Variants in AP5B1 observed in about 807,000 individuals in gnomAD.
AP5B1 encodes the protein AP-5 complex subunit beta-1.
In AP5B1, 3 loss-of-function variants were observed where a neutral mutation model predicts 5.7. The ratio of observed to expected loss-of-function variants is 0.53; its 90% CI spans 0.24 to 1.36. The LOEUF (loss-of-function observed/expected upper bound fraction) is 1.36, where lower values mean the gene tolerates loss of function less well. Among genes scored for constraint, AP5B1 ranks in the 40% most tolerant of loss-of-function variants. The pLI is 0.17. For missense variants in AP5B1, 1,310 were observed against 1,143.2 expected (o/e 1.15, Z -2.10); for synonymous variants, 696 against 555.5 (o/e 1.25, Z -3.56).
chr11:65,780,140 C>T lies in AP5B1; in HGVS notation c.353G>A (p.Cys118Tyr). 6.8e-7 allele frequency: 1 copy of T among 1,476,802 alleles called. No homozygotes were observed. Among genetic ancestry groups the T allele is most frequent in the Non-Finnish European group, 9.0e-7 (1 of 1,117,264 alleles). 91.5% of individuals were successfully genotyped at this position (1,476,802 alleles called of 1,614,324 possible). A position where few individuals can be genotyped will look rare whatever the true frequency, so the allele number is the denominator to read the frequency against. Residue 118 changes from cysteine (C) to tyrosine (Y), a missense_variant, in exon 2 of 2, where the codon TGC (cysteine) becomes TAC (tyrosine). By Grantham distance (194) the Cys-to-Tyr change is radical. Coordinates refer to ENST00000532090, the MANE Select transcript of AP5B1 (RefSeq NM_138368.5). ...GCCGAGCAGTAGGGGCAGGAGCCGG[C>T]AGGAGGCGCCCGAGGTGGGGCCCAG... ...GALGPTSGAS[C>Y]RLLPLLLGLA...
At position 65,780,409 on chromosome 11, in the gene AP5B1, G is replaced by A. The variant is rs1489134832; in HGVS notation, c.150+33C>T. The A allele has an allele frequency of 2.0e-6, 3 of 1,471,744 alleles. No homozygotes were observed. The African/African-American group carries it at 4.4e-5, about 21-fold the overall frequency. The allele number at this position is 1,471,744 out of a possible 1,614,324, so 91.2% of individuals were successfully genotyped here. A position where few individuals can be genotyped will look rare whatever the true frequency, so the allele number is the denominator to read the frequency against. On this transcript the variant is annotated intron_variant, in intron 1 of 1. Transcript: ENST00000532090. ...TGACGCGGCGGGCTGGGGTGACCCT[G>A]CGGAACGGCGCAGGGGACGCGTGGG...
Position 65,778,669 on chromosome 11 carries a change from C to T in AP5B1, c.1824G>A (p.Gly608=), listed in dbSNP as rs375379794. The change falls in exon 2 of 2, where the codon GGG becomes GGA. Residue 608 remains glycine, a synonymous_variant. Coordinates refer to ENST00000532090, the MANE Select transcript of AP5B1 (RefSeq NM_138368.5). ...TGTAGTAGAGGCGGGCGTGGTCACGCCCATCAGGGTCCTCCAGCTGCCTGG... is the reference window on the plus strand; with the variant it reads ...TGTAGTAGAGGCGGGCGTGGTCACGTCCATCAGGGTCCTCCAGCTGCCTGG... The part of the protein sequence containing the change: ...VLARQLEDPD[G]RDHARLYYIL... 3.2e-6 allele frequency: 5 copies of T among 1,566,336 alleles called. No homozygotes were observed. The African/African-American group carries it at 5.4e-5, about 17-fold the overall frequency.
At position 65,778,352 on chromosome 11, in the gene AP5B1, C is replaced by A; in HGVS notation, c.2141G>T (p.Cys714Phe). ...GCGGGCAGGGCGGCCAGGACACAGG[C>A]AGGGCACATGGACAGCCTCCAGGGG... Reference protein sequence around the residue: ...YAPLEAVHVPCLCPGRPARPL... With the variant: ...YAPLEAVHVPFLCPGRPARPL... Residue 714 changes from cysteine to phenylalanine, a missense_variant, in exon 2 of 2, where the codon TGC (cysteine) becomes TTC (phenylalanine). Coordinates refer to ENST00000532090, the MANE Select transcript of AP5B1 (RefSeq NM_138368.5). 1 of 1,610,666 alleles carries A rather than the reference C, an allele frequency of 6.2e-7. No individual in the cohort carries two copies. The highest frequency in any genetic ancestry group is 1.1e-5 in the South Asian group (1 of 90,906).
rs773541232 is a variant in AP5B1 at position 65,779,857 on chromosome 11, C to T, written c.636G>A (p.Thr212=). 22 of 1,598,626 alleles carry T rather than the reference C, an allele frequency of 1.4e-5. No individual in the cohort carries two copies. The highest frequency in any genetic ancestry group is 1.2e-4 in the Admixed American group (7 of 58,306). The change falls in exon 2 of 2, where the codon ACG becomes ACA. Residue 212 remains threonine, a synonymous_variant. Transcript: ENST00000532090. Reference sequence around the variant, plus strand: ...CACCCCCAGTTGGGGAGACCTTATCCGTGAGCAGTCCCCCCAGGCCAGCCC... The same window carrying T: ...CACCCCCAGTTGGGGAGACCTTATCTGTGAGCAGTCCCCCCAGGCCAGCCC... ...RVGAGLGGLL[T]DKVSPTGGGP... is the part of the protein sequence containing the mutation.
rs765906033 is a variant in AP5B1 at position 65,779,967 on chromosome 11, G to A, written c.526C>T (p.Leu176=). 8.2e-6 allele frequency: 13 copies of A among 1,579,484 alleles called. No individual in the cohort carries two copies. The highest frequency in any genetic ancestry group is 1.0e-5 in the Non-Finnish European group (12 of 1,163,230). Residue 176 remains leucine (L), a synonymous_variant, in exon 2 of 2, where the codon CTG becomes TTG. Coordinates refer to ENST00000532090, the MANE Select transcript of AP5B1 (RefSeq NM_138368.5). The part of the protein sequence containing the change: ...GGSLGLLRGL[L]GQEGPVQPLS... ...GGCTGGACAGGGCCTTCCTGCCCCA[G>A]CAGGCCCCGCAGCAACCCCAGGGAG...
rs760052115 is a variant in AP5B1 at position 65,780,117 on chromosome 11, C to G, written c.376G>C (p.Gly126Arg). The G allele has an allele frequency of 1.3e-6, 2 of 1,504,706 alleles. No homozygotes were observed. Among genetic ancestry groups the G allele is most frequent in the South Asian group, 1.3e-5 (1 of 78,562 alleles). 93.2% of individuals were successfully genotyped at this position (1,504,706 alleles called of 1,614,324 possible). ...ASCRLLPLLLGLAAGSDLGRG... is the reference protein window; with the variant it reads ...ASCRLLPLLLRLAAGSDLGRG... ...CCCAGATCGCTACCCGCGGCCAGGC[C>G]GAGCAGTAGGGGCAGGAGCCGGCAG... Residue 126 changes from glycine to arginine, a missense_variant, in exon 2 of 2, where the codon GGC becomes CGC. Transcript: ENST00000532090.
Position 65,778,602 on chromosome 11 carries a change from G to T in AP5B1, c.1891C>A (p.Leu631Met). 6.3e-7 allele frequency: 1 copy of T among 1,594,402 alleles called. No individual in the cohort carries two copies. The highest frequency in any genetic ancestry group is 2.3e-5 in the East Asian group (1 of 44,064). ...HLAAPKLGVALGPSLAAPALA... is the reference protein window; with the variant it reads ...HLAAPKLGVAMGPSLAAPALA... The stretch of plus-strand genomic sequence containing the variant: ...GCAGGTGCGGCAAGCGAGGGGCCCA[G>T]GGCCACCCCCAACTTGGGTGCTGCC... The change falls in exon 2 of 2, where the codon CTG (leucine) becomes ATG (methionine). Residue 631 changes from leucine (L) to methionine (M), a missense_variant. Transcript: ENST00000532090.
At position 65,779,566 on chromosome 11, in the gene AP5B1, C is replaced by A. The variant is rs766841519; in HGVS notation, c.927G>T (p.Lys309Asn). 1.7e-5 allele frequency: 28 copies of A among 1,607,502 alleles called. 1 individual carries two copies. In the South Asian group the frequency reaches 2.8e-4, roughly 16 times the overall value. The change falls in exon 2 of 2, where the codon AAG becomes AAT. Residue 309 changes from lysine (K) to asparagine (N), a missense_variant. Physicochemically the swap from Lys to Asn is moderately conservative, Grantham distance 94 (BLOSUM62 0). Coordinates refer to ENST00000532090, the MANE Select transcript of AP5B1 (RefSeq NM_138368.5). ...GLQGQPPALF[K>N]PQLVRLLGTA... Reference sequence around the variant, plus strand: ...TGCCTAGCAGCCGTACCAGCTGCGGCTTGAAGAGTGCCGGTGGCTGTCCCT... The same window carrying A: ...TGCCTAGCAGCCGTACCAGCTGCGGATTGAAGAGTGCCGGTGGCTGTCCCT...
chr11:65,780,128 G>A lies in AP5B1; in HGVS notation c.365C>T (p.Pro122Leu), dbSNP rs1225088322. ...ACCCGCGGCCAGGCCGAGCAGTAGG[G>A]GCAGGAGCCGGCAGGAGGCGCCCGA... ...PTSGASCRLL[P>L]LLLGLAAGSD... Residue 122 changes from proline (P) to leucine (L), a missense_variant, in exon 2 of 2, where the codon CCC becomes CTC. Transcript: ENST00000532090. The A allele has an allele frequency of 1.4e-6, 2 of 1,481,406 alleles. No homozygotes were observed. The highest frequency in any genetic ancestry group is 2.5e-5 in the Admixed American group (1 of 39,668). 91.8% of individuals were successfully genotyped at this position (1,481,406 alleles called of 1,614,324 possible).
chr11:65,779,346 G>C lies in AP5B1; in HGVS notation c.1147C>G (p.Pro383Ala). The C allele has an allele frequency of 6.3e-7, 1 of 1,593,630 alleles. No homozygotes were observed. Among genetic ancestry groups the C allele is most frequent in the Non-Finnish European group, 8.6e-7 (1 of 1,169,020 alleles). The change falls in exon 2 of 2, where the codon CCT becomes GCT. Residue 383 changes from proline to alanine, a missense_variant. Pro to Ala is a conservative substitution (Grantham distance 27, BLOSUM62 -1). Transcript: ENST00000532090. Reference sequence around the variant, plus strand: ...AGTGGGGCAGCCTCCTCACCTTCAGGGCCCAGCGGCCAGTTCTCAGGGAAG... The same window carrying C: ...AGTGGGGCAGCCTCCTCACCTTCAGCGCCCAGCGGCCAGTTCTCAGGGAAG... The part of the protein sequence containing the change: ...LSFPENWPLG[P>A]EGEEAAPLLL...
chr11:65,780,261 G>A lies in AP5B1; in HGVS notation c.232C>T (p.Leu78=), dbSNP rs1857832972. The A allele has an allele frequency of 1.3e-6, 2 of 1,508,168 alleles. No homozygotes were observed. The highest frequency in any genetic ancestry group is 1.8e-6 in the Non-Finnish European group (2 of 1,133,366). 93.4% of individuals were successfully genotyped at this position (1,508,168 alleles called of 1,614,324 possible). The change falls in exon 2 of 2, where the codon CTG becomes TTG. Residue 78 remains leucine (L), a synonymous_variant. Transcript: ENST00000532090. ...GGTAGGAGGACCAAGGTGTCCAACA[G>A]GGAGGTGGCGGCCACTTCGGCCGCA... The part of the protein sequence containing the change: ...ASAAEVAATS[L]LDTLVLLPPR...
At position 65,780,318 on chromosome 11, in the gene AP5B1, C is replaced by A. The variant is rs866724357; in HGVS notation, c.175G>T (p.Glu59Ter). Residue 59 changes from glutamate (E) to a stop codon, truncating the protein, a stop_gained, in exon 2 of 2, where the codon GAG becomes TAG. Transcript: ENST00000532090. LOFTEE classifies it low-confidence loss of function (END_TRUNC). Reference sequence around the variant, plus strand: ...TCGGGCCACAGCTGCGCAGGGTACTCCATGCTCAGGGCCAGCAGGGAAACC... The same window carrying A: ...TCGGGCCACAGCTGCGCAGGGTACTACATGCTCAGGGCCAGCAGGGAAACC... ...TKVSLLALSM[E>*]YPAQLWPDAS... is the part of the protein sequence containing the mutation. 6.7e-7 allele frequency: 1 copy of A among 1,485,138 alleles called. No homozygotes were observed. Among genetic ancestry groups the A allele is most frequent in the Non-Finnish European group, 8.9e-7 (1 of 1,119,698 alleles). The allele number at this position is 1,485,138 out of a possible 1,614,324, so 92.0% of individuals were successfully genotyped here.
In AP5B1 at chr11:65,775,063, T is replaced by C. The variant is rs905828684; in HGVS notation, c.*2793A>G. ...AAGATGCAAAACCAAAAGCTTTTACTCCAACATTGCTTAGCCAAGCTAAGC... is the reference window on the plus strand; with the variant it reads ...AAGATGCAAAACCAAAAGCTTTTACCCCAACATTGCTTAGCCAAGCTAAGC... On this transcript the variant is annotated 3_prime_UTR_variant, in exon 2 of 2. Transcript: ENST00000532090. Among the ~76,000 whole-genome samples the C allele has an allele frequency of 2.6e-5, 4 of 152,132 alleles. No homozygotes were observed. Among genetic ancestry groups the C allele is most frequent in the African/African-American group, 7.2e-5 (3 of 41,408 alleles).
Position 65,780,669 on chromosome 11 carries a change from A to C in AP5B1, c.-78T>G. The C allele has an allele frequency of 4.7e-6, 6 of 1,271,644 alleles. No individual in the cohort carries two copies. The highest frequency in any genetic ancestry group is 2.4e-5 in the South Asian group (1 of 41,788). 78.8% of individuals were successfully genotyped at this position (1,271,644 alleles called of 1,614,324 possible). A position where few individuals can be genotyped will look rare whatever the true frequency, so the allele number is the denominator to read the frequency against. The stretch of plus-strand genomic sequence containing the variant: ...ACCGGGAGCGCGGGGCCCGCTGCCG[A>C]CCCCGAGGGGCTGCGGTCACCCCCA... On this transcript the variant is annotated 5_prime_UTR_variant, in exon 1 of 2. Transcript: ENST00000532090.
rs1195196238 is a variant in AP5B1, at chr11:65,780,430, G to A, written c.150+12C>T. 2 of 1,492,808 alleles carry A rather than the reference G, an allele frequency of 1.3e-6. No homozygotes were observed. Among genetic ancestry groups the A allele is most frequent in the African/African-American group, 1.4e-5 (1 of 69,528 alleles). The allele number at this position is 1,492,808 out of a possible 1,614,324, so 92.5% of individuals were successfully genotyped here. A position where few individuals can be genotyped will look rare whatever the true frequency, so the allele number is the denominator to read the frequency against. On this transcript the variant is annotated intron_variant, in intron 1 of 1. Coordinates refer to ENST00000532090, the MANE Select transcript of AP5B1 (RefSeq NM_138368.5). ...CCCTGCGGAACGGCGCAGGGGACGC[G>A]TGGGGGCCTACCTTGGTCTGTTCGC...
At chr11:65,780,411 G>T in intron 1 of AP5B1, 31 bp downstream of exon 1, 1 of 1,472,612 alleles carries the variant, frequency 6.8e-7, no homozygotes, top group East Asian at 2.7e-5. Context: ...GTGACCCTGC[G>T]GAACGGCGCA....
Position 65,780,307 on chromosome 11 carries a change from C to G in AP5B1, c.186G>C (p.Ala62=). ...CCGCAGAGGCGTCGGGCCACAGCTG[C>G]GCAGGGTACTCCATGCTCAGGGCCA... ...SLLALSMEYP[A]QLWPDASAAE... The change falls in exon 2 of 2, where the codon GCG becomes GCC. Residue 62 remains alanine, a synonymous_variant. Coordinates refer to ENST00000532090, the MANE Select transcript of AP5B1 (RefSeq NM_138368.5). 1 of 1,494,980 alleles carries G rather than the reference C, an allele frequency of 6.7e-7. No individual in the cohort carries two copies. Among genetic ancestry groups the G allele is most frequent in the South Asian group, 1.4e-5 (1 of 73,326 alleles). 92.6% of individuals were successfully genotyped at this position (1,494,980 alleles called of 1,614,324 possible).
Position 65,779,772 on chromosome 11 carries a change from T to C in AP5B1, c.721A>G (p.Ser241Gly). ...TCTCCCTCCTCAGCTGCCGGCCAGC[T>C]GGGTGCCTGGGGCTGAAGGCGTCCA... is the stretch of plus-strand genomic sequence containing the variant. ...GDGRLQPQAP[S>G]WPAAEEGEGE... The change falls in exon 2 of 2, where the codon AGC becomes GGC. Residue 241 changes from serine (S) to glycine (G), a missense_variant. Transcript: ENST00000532090. 1 of 1,585,020 alleles carries C rather than the reference T, an allele frequency of 6.3e-7. No individual in the cohort carries two copies. Among genetic ancestry groups the C allele is most frequent in the Non-Finnish European group, 8.6e-7 (1 of 1,165,464 alleles).
rs201129554 is a variant in AP5B1 at position 65,778,511 on chromosome 11, G to A, written c.1982C>T (p.Pro661Leu). ...CCCCAGGCTCAGCCGTACCAGGGCC[G>A]GTGCCTCCTGCACCATCAGTGCTGC... The part of the protein sequence containing the change: ...FVAALMVQEA[P>L]ALVRLSLGSH... The change falls in exon 2 of 2, where the codon CCG becomes CTG. Residue 661 changes from proline (P) to leucine (L), a missense_variant. Physicochemically the swap from Pro to Leu is moderately conservative, Grantham distance 98. Coordinates refer to ENST00000532090, the MANE Select transcript of AP5B1 (RefSeq NM_138368.5). 2.4e-4 allele frequency: 372 copies of A among 1,572,988 alleles called. No homozygotes were observed. The African/African-American group carries it at 2.9e-3, about 12-fold the overall frequency.
Sources: gnomAD v4.1 joint callset for allele counts (sites outside exome capture counted in the v4.1 genomes callset) on GRCh38, gnomAD v4.1.1 for gene constraint, MANE v1.5 for transcripts, NCBI Gene and HGNC (gene_info 2026-07-23, HGNC 2026-07-21) for gene names.